CDH18: variants seen among roughly 807,000 people sequenced by gnomAD.
CDH18 encodes the protein cadherin 18, also known as cadherin-18.
A neutral mutation model predicts 67.9 loss-of-function variants in CDH18; 31 were observed. The observed-to-expected ratio is 0.46, with a 90% CI of 0.34 to 0.62. The LOEUF is 0.62. Ranked by LOEUF, CDH18 falls within the 20% of genes least tolerant of loss-of-function variation. CDH18 has a pLI of 0.01. For synonymous variants in CDH18, 362 were observed against 347.2 expected, an observed-to-expected ratio of 1.04 and a Z score of -0.48; for missense variants, 890 against 975.5, an observed-to-expected ratio of 0.91 and a Z score of 1.17.
At chr5:20,336,131 T>C (rs988563811) in intron 1 of CDH18, among the ~76,000 whole-genome samples, 3 of 152,082 alleles carry the variant, frequency 2.0e-5, no homozygotes, top group African/African-American at 7.2e-5. Context: ...GAACCCCACT[T>C]GGACAAGTCC....
intron 1 of CDH18, among the ~76,000 whole-genome samples, chr5:20,529,749 A>G (rs180717263): frequency 6.6e-6 from 1 of 152,212 alleles, no homozygotes; most frequent in Non-Finnish European, 1.5e-5. Context: ...CAAAATAATA[A>G]GAGTCATATA....
intron 1 of CDH18, among the ~76,000 whole-genome samples, chr5:20,499,229 C>T (rs1754093622): frequency 6.6e-6 from 1 of 151,994 alleles, no homozygotes; most frequent in Non-Finnish European, 1.5e-5. Flanking sequence ...TATAAAATGG[C>T]ATGGTATTCG....
intron 1 of CDH18, among the ~76,000 whole-genome samples, chr5:20,271,130 T>TA (rs1369291734): frequency 6.6e-6 from 1 of 151,790 alleles, no homozygotes; most frequent in East Asian, 1.9e-4. Flanking sequence ...CCCCTGAACT[T>TA]AAAATAAAAG....
intron 1 of CDH18, among the ~76,000 whole-genome samples, chr5:20,488,025 C>T (rs1411348092): frequency 6.6e-6 from 1 of 152,074 alleles, no homozygotes; most frequent in Non-Finnish European, 1.5e-5. Flanking sequence ...GATTGGCTGT[C>T]CTGCCTGTCA....
chr5:20,325,327 G>C (rs76555903), intron 1 of CDH18, among the ~76,000 whole-genome samples: 1 of 152,256 alleles, frequency 6.6e-6, no homozygotes, highest in African/African-American at 2.4e-5. Flanking sequence ...ACTTGCTTAG[G>C]TATCTGCCTT....
chr5:19,788,958 C>T (rs2149806994), intron 3 of CDH18, among the ~76,000 whole-genome samples: 1 of 152,210 alleles, frequency 6.6e-6, no homozygotes, highest in Middle Eastern at 3.4e-3. Context: ...TTTGGGGTGT[C>T]AGTAAATTTG....
chr5:19,817,668 T>C (rs1779433413), intron 3 of CDH18, among the ~76,000 whole-genome samples: 1 of 152,068 alleles, frequency 6.6e-6, no homozygotes, highest in African/African-American at 2.4e-5. Context: ...ATTACAACAT[T>C]TGATCATTCT....
At chr5:20,083,703 T>A (rs1299940095) in intron 2 of CDH18, among the ~76,000 whole-genome samples, 1 of 152,218 alleles carries the variant, frequency 6.6e-6, no homozygotes, top group East Asian at 1.9e-4. Flanking sequence ...GTTCTGCCTG[T>A]CTGGGAAGCC....
intron 5 of CDH18, among the ~76,000 whole-genome samples, chr5:19,621,678 G>C (rs1750736234): frequency 6.6e-6 from 1 of 152,078 alleles, no homozygotes; most frequent in Non-Finnish European, 1.5e-5. Context: ...TGAGTGAGAG[G>C]GAAATGAGTT....
At chr5:20,086,980 G>T (rs1745010932) in intron 2 of CDH18, among the ~76,000 whole-genome samples, 1 of 152,104 alleles carries the variant, frequency 6.6e-6, no homozygotes, top group African/African-American at 2.4e-5. Flanking sequence ...TTTGTCTGAT[G>T]GATCTGAGCA....
At chr5:19,732,109 T>C (rs1421905942) in intron 4 of CDH18, among the ~76,000 whole-genome samples, 2 of 150,730 alleles carry the variant, frequency 1.3e-5, no homozygotes, top group East Asian at 3.9e-4. Flanking sequence ...AAAAAAAAAT[T>C]AATGCATTTT....
At chr5:20,033,397 T>G (rs764330078) in intron 2 of CDH18, among the ~76,000 whole-genome samples, 10 of 151,932 alleles carry the variant, frequency 6.6e-5, no homozygotes, top group Admixed American at 2.6e-4. Context: ...ACCAAAATGC[T>G]CAGACTAGTA....
At chr5:20,251,948 T>C (rs1294945119) in intron 2 of CDH18, among the ~76,000 whole-genome samples, 3 of 152,190 alleles carry the variant, frequency 2.0e-5, no homozygotes, top group Non-Finnish European at 4.4e-5. Flanking sequence ...GGAAACTATA[T>C]AGAATATGCG....
intron 7 of CDH18, among the ~76,000 whole-genome samples, chr5:19,581,942 T>C (rs1323566787): frequency 6.6e-6 from 1 of 152,018 alleles, no homozygotes; most frequent in Admixed American, 6.6e-5. Flanking sequence ...AACCGGAGTA[T>C]ATGCATAAGC....
intron 1 of CDH18, among the ~76,000 whole-genome samples, chr5:20,303,459 C>CCA (rs1736118278): frequency 6.6e-6 from 1 of 152,078 alleles, no homozygotes; most frequent in Admixed American, 6.6e-5. Context: ...GTGAAGCAGC[C>CCA]CACAGGGTTA....
At chr5:20,130,479 C>T (rs1749183232) in intron 2 of CDH18, among the ~76,000 whole-genome samples, 1 of 150,582 alleles carries the variant, frequency 6.6e-6, no homozygotes, top group Admixed American at 6.6e-5. Flanking sequence ...CTGCTTTATT[C>T]AGTCTAGTGA....
At chr5:20,361,798 G>GTA (rs1291496836) in intron 1 of CDH18, among the ~76,000 whole-genome samples, 18 of 152,018 alleles carry the variant, frequency 1.2e-4, no homozygotes, top group Non-Finnish European at 1.9e-4. Flanking sequence ...ACATTAAAGT[G>GTA]CATTATGTTA....
intron 3 of CDH18, among the ~76,000 whole-genome samples, chr5:19,791,448 T>A (rs1342705150): frequency 1.3e-5 from 2 of 151,372 alleles, no homozygotes; most frequent in Non-Finnish European, 2.9e-5. Flanking sequence ...CTTGATAAAG[T>A]TGTATGCAAA....
At chr5:20,388,713 T>C (rs893216944) in intron 1 of CDH18, among the ~76,000 whole-genome samples, 5 of 152,192 alleles carry the variant, frequency 3.3e-5, no homozygotes, top group South Asian at 4.1e-4. Flanking sequence ...TTTAGTGCTA[T>C]AAATTTCCCT....
Sources: allele counts gnomAD v4.1 joint callset (sites outside exome capture counted in the v4.1 genomes callset), GRCh38; gene constraint gnomAD v4.1.1; transcripts MANE v1.5; gene names NCBI Gene and HGNC (gene_info 2026-07-23, HGNC 2026-07-21).